Variants in LHX6 observed in about 807,000 individuals in gnomAD.
LHX6 encodes the protein LIM/homeobox protein Lhx6.
A neutral mutation model predicts 47.1 loss-of-function variants in LHX6; 15 were observed. The observed-to-expected ratio is 0.32, with a 90% CI of 0.21 to 0.49. LHX6 has a LOEUF of 0.49. Among genes scored for constraint, LHX6 ranks in the 20% least tolerant of loss-of-function variants. The probability of loss-of-function intolerance (pLI) is 0.99; values close to 1 mark genes in which losing one functional copy is unlikely to be tolerated. For synonymous variants in LHX6, 242 were observed against 233.5 expected (o/e 1.04, Z -0.33); for missense variants, 404 against 539.6 (o/e 0.75, Z 2.49).
Position 122,209,119 on chromosome 9 carries a change from C to T in LHX6, c.1158+495G>A, listed in dbSNP as rs566008760. On this transcript the variant is annotated intron_variant, in intron 9 of 9. Coordinates refer to ENST00000394319, the MANE Select transcript of LHX6 (RefSeq NM_014368.5). The stretch of plus-strand genomic sequence containing the variant: ...AAGCCCTGGAATGGGGACAGCTAAG[C>T]ACCCTTTTAGAAGTGCAGTCCTAAA... Among the ~76,000 whole-genome samples, 7 of 152,322 alleles carry T rather than the reference C, an allele frequency of 4.6e-5. No homozygotes were observed. In the South Asian group the frequency reaches 1.2e-3, roughly 27 times the overall value.
At chr9:122,228,261 C>G in intron 1 of LHX6, 3 of 1,534,874 alleles carry the variant, frequency 2.0e-6, no homozygotes, top group Non-Finnish European at 2.6e-6. Context: ...GAGAGGCGCT[C>G]AAGGGGAGGA....
rs1326024418 is a variant in LHX6, at chr9:122,203,021, T to G, written c.*1739A>C. 6.6e-6 allele frequency: 1 copy of G among 152,562 alleles called. No individual in the cohort carries two copies. The highest frequency in any genetic ancestry group is 6.5e-5 in the Admixed American group (1 of 15,280). The allele number at this position is 152,562 out of a possible 1,614,324, so 9.5% of individuals were successfully genotyped here. ...TGGGCCCTGGTTGCTCCTGTTAATG[T>G]CAGCGCCTAGCACAGGGCTGGGCAC... On this transcript the variant is annotated 3_prime_UTR_variant, in exon 10 of 10. Transcript: ENST00000394319.
rs573892258 is a variant in LHX6, at chr9:122,213,813, A to G, written c.880-33T>C. ...GACAGCCTCGGCAGCCTCAGCCTCG[A>G]GGAAAAGAGTCGGACGCGCCGCCGG... On this transcript the variant is annotated intron_variant, in intron 7 of 9. Coordinates refer to ENST00000394319, the MANE Select transcript of LHX6 (RefSeq NM_014368.5). The surrounding 1 kb of genome is among the most constrained non-coding windows in gnomAD (Gnocchi z 5.5). The G allele has an allele frequency of 1.2e-5, 18 of 1,558,546 alleles. No homozygotes were observed. The African/African-American group carries it at 2.0e-4, about 18-fold the overall frequency.
At chr9:122,223,427 A>G (rs1380134845) in intron 4 of LHX6, among the ~76,000 whole-genome samples, 1 of 152,208 alleles carries the variant, frequency 6.6e-6, no homozygotes, top group Admixed American at 6.5e-5. Context: ...AAATGCCATC[A>G]TGGGCTTGTG....
At chr9:122,221,380 G>C in intron 4 of LHX6, 1 of 985,706 alleles carries the variant, frequency 1.0e-6, no homozygotes, top group African/African-American at 1.7e-5. Context: ...CGCGGTGGGG[G>C]GCCGCTTCCC....
At position 122,228,856 on chromosome 9, in the gene LHX6, G is replaced by C. The variant is rs1831222790; in HGVS notation, c.-116C>G. On this transcript the variant is annotated 5_prime_UTR_variant, in exon 1 of 10. Coordinates refer to ENST00000394319, the MANE Select transcript of LHX6 (RefSeq NM_014368.5). ...GGAGCAGGAGGAGAGCCGAGGCGCC[G>C]GCCCCGCCGCCCCGGGCCCGGCCTC... 2 of 632,932 alleles carry C rather than the reference G, an allele frequency of 3.2e-6. No individual in the cohort carries two copies. Among genetic ancestry groups the C allele is most frequent in the South Asian group, 7.3e-5 (1 of 13,678 alleles). 39.2% of individuals were successfully genotyped at this position (632,932 alleles called of 1,614,324 possible). A position where few individuals can be genotyped will look rare whatever the true frequency, so the allele number is the denominator to read the frequency against.
intron 8 of LHX6, among the ~76,000 whole-genome samples, chr9:122,210,207 C>T (rs530615535): frequency 4.8e-5 from 7 of 144,524 alleles, no homozygotes; most frequent in Admixed American, 3.5e-4. Context: ...CATGAGCCAC[C>T]GTGCCCGGCC....
intron 2 of LHX6, 152 bp from the exon 3 acceptor site, chr9:122,227,182 C>T: frequency 3.7e-6 from 3 of 812,354 alleles, no homozygotes; most frequent in Non-Finnish European, 5.5e-6. Flanking sequence ...ATGGAAGGGC[C>T]TATTGGAGAG....
chr9:122,208,602 C>T (rs1399968649), intron 9 of LHX6, among the ~76,000 whole-genome samples: 2 of 152,068 alleles, frequency 1.3e-5, no homozygotes, highest in South Asian at 2.1e-4. Flanking sequence ...GAGGCTGAGG[C>T]GGGTGGATCA....
At chr9:122,221,594 G>T in intron 4 of LHX6, 1 of 985,694 alleles carries the variant, frequency 1.0e-6, no homozygotes, top group South Asian at 4.7e-5. Context: ...AGGGGAAGCA[G>T]TTAACCCTTT....
At position 122,227,482 on chromosome 9, in the gene LHX6, TGGGGGAGG is replaced by T; in HGVS notation, c.85-10_85-3del. 5.4e-6 allele frequency: 2 copies of T among 368,164 alleles called. No individual in the cohort carries two copies. Among genetic ancestry groups the T allele is most frequent in the Non-Finnish European group, 9.8e-6 (2 of 203,370 alleles). The allele number at this position is 368,164 out of a possible 1,614,324, so 22.8% of individuals were successfully genotyped here. On this transcript the variant is annotated splice_region_variant and splice_polypyrimidine_tract_variant and intron_variant, in intron 1 of 9. Transcript: ENST00000394319. Reference sequence around the variant, plus strand: ...GCCGGACCCTGGCTGGGCCATCACCTGGGGGAGGGGGGGAGGGAACGCAGGCGGCGGCG... The same window carrying T: ...GCCGGACCCTGGCTGGGCCATCACCTGGGGGAGGGAACGCAGGCGGCGGCG...
chr9:122,225,173 T>A (rs1224755730), intron 4 of LHX6, among the ~76,000 whole-genome samples: 1 of 152,038 alleles, frequency 6.6e-6, no homozygotes, highest in African/African-American at 2.4e-5. Flanking sequence ...AGGGCAGGGG[T>A]CTGGCCAGGA....
intron 4 of LHX6, chr9:122,221,781 T>G (rs1027490285): frequency 1.0e-6 from 1 of 965,438 alleles, no homozygotes; most frequent in Non-Finnish European, 1.2e-6. Context: ...GGGCAGGGAC[T>G]CTTTGGATCA....
rs138212104 is a variant in LHX6, at chr9:122,221,809, G to A, written c.462-4521C>T. 204 of 737,896 alleles carry A rather than the reference G, an allele frequency of 2.8e-4. 1 individual carries two copies. In the Middle Eastern group the frequency reaches 6.3e-3, roughly 23 times the overall value. The allele number at this position is 737,896 out of a possible 1,614,324, so 45.7% of individuals were successfully genotyped here. A position where few individuals can be genotyped will look rare whatever the true frequency, so the allele number is the denominator to read the frequency against. ...TTGGATCAGCAGAGAGGGGCCCCAC[G>A]ATGCACAGACGGGTGGCTGATATAT... On this transcript the variant is annotated intron_variant, in intron 4 of 9. Transcript: ENST00000394319.
chr9:122,211,927 T>C (rs1205475673), intron 8 of LHX6, among the ~76,000 whole-genome samples: 1 of 152,198 alleles, frequency 6.6e-6, no homozygotes, highest in East Asian at 1.9e-4. Context: ...AATATAGTTA[T>C]TGTTTAGAAA....
In LHX6 at chr9:122,214,073, C is replaced by A. The variant is rs749693382; in HGVS notation, c.784-4G>T. On this transcript the variant is annotated splice_region_variant and splice_polypyrimidine_tract_variant and intron_variant, in intron 6 of 9. Transcript: ENST00000394319. The surrounding 1 kb of genome is among the most constrained non-coding windows in gnomAD (Gnocchi z 4.6). ...GCGCGAACTGCGCCTGCATAACCTG[C>A]GGGGCGGGGAGGGCGGTGAGGCGCT... 1.8e-5 allele frequency: 28 copies of A among 1,599,600 alleles called. No individual in the cohort carries two copies. In the East Asian group the frequency reaches 5.4e-4, roughly 31 times the overall value.
intron 8 of LHX6, among the ~76,000 whole-genome samples, chr9:122,210,327 C>A (rs1830355307): frequency 6.6e-6 from 1 of 152,194 alleles, no homozygotes; most frequent in Admixed American, 6.5e-5. Context: ...CGCATGCAAG[C>A]AAGTCTGTAC....
rs988759160 is a variant in LHX6, at chr9:122,203,999, C to G, written c.*761G>C. The G allele has an allele frequency of 7.9e-5, 12 of 152,264 alleles. No homozygotes were observed. Among genetic ancestry groups the G allele is most frequent in the Admixed American group, 7.2e-4 (11 of 15,270 alleles). The allele number at this position is 152,264 out of a possible 1,614,324, so 9.4% of individuals were successfully genotyped here. On this transcript the variant is annotated 3_prime_UTR_variant, in exon 10 of 10. Transcript: ENST00000394319. ...AGGTGGGGGTAGGGTCTCTCCCTGACCCCAGAGTTTTCTCTTTCCTCTCCT... is the reference window on the plus strand; with the variant it reads ...AGGTGGGGGTAGGGTCTCTCCCTGAGCCCAGAGTTTTCTCTTTCCTCTCCT...
Position 122,213,612 on chromosome 9 carries a change from T to C in LHX6, c.1048A>G (p.Ile350Val), listed in dbSNP as rs1830471584. The C allele has an allele frequency of 6.3e-7, 1 of 1,592,880 alleles. No individual in the cohort carries two copies. Among genetic ancestry groups the C allele is most frequent in the South Asian group, 1.1e-5 (1 of 89,856 alleles). The part of the protein sequence containing the change: ...RARMVTLHGY[I>V]ESQVQCGQVH... ...CGGCGCTGCGGTTACTTACTCTCAA[T>C]GTAGCCGTGCAGGGTGACCATGCGC... The change falls in exon 8 of 10, where the codon ATT (isoleucine) becomes GTT (valine). Residue 350 changes from isoleucine (I) to valine (V), a missense_variant. Physicochemically the swap from Ile to Val is conservative, Grantham distance 29. Around this residue, in one of 7 missense-constraint regions of LHX6, gnomAD observed 127 missense variants for 116.1 expected, o/e 1.09. Transcript: ENST00000394319. This position sits in a 1 kb window ranked among gnomAD's most constrained non-coding sequence, Gnocchi z 5.5.
Sources: gnomAD v4.1 joint callset for allele counts (sites outside exome capture counted in the v4.1 genomes callset) on GRCh38, gnomAD v4.1.1 for gene constraint, gnomAD v4.1.1 regional missense constraint, Gnocchi (gnomAD v3.1) non-coding constraint, MANE v1.5 for transcripts, NCBI Gene and HGNC (gene_info 2026-07-23, HGNC 2026-07-21) for gene names.